NRXN3: variants seen among roughly 807,000 people sequenced by gnomAD.
The protein encoded by NRXN3 is neurexin III.
Under a neutral mutation model 137.6 loss-of-function variants are expected in NRXN3, and 32 were observed. That is an observed-to-expected ratio of 0.23 (90% CI 0.18 to 0.31). NRXN3 has a LOEUF of 0.31. NRXN3 is among the 10% of genes least tolerant of loss of function. The probability of loss-of-function intolerance (pLI) is 1.00; values close to 1 mark genes in which losing one functional copy is unlikely to be tolerated. For synonymous variants in NRXN3, 798 were observed against 784.5 expected (o/e 1.02, Z -0.29); for missense variants, 1,574 against 2,062.5 (o/e 0.76, Z 4.59).
intron 16 of NRXN3, among the ~76,000 whole-genome samples, chr14:79,623,203 G>A (rs186074950): frequency 1.1e-3 from 173 of 152,236 alleles, no homozygotes; most frequent in African/African-American, 3.9e-3. Flanking sequence ...CCATGCAAAT[G>A]CCTTTTACAG....
intron 16 of NRXN3, among the ~76,000 whole-genome samples, chr14:79,532,245 C>A (rs1490674797): frequency 2.6e-5 from 4 of 152,122 alleles, no homozygotes; most frequent in Non-Finnish European, 5.9e-5. Flanking sequence ...GTTACAGATA[C>A]TTATCTATGA....
chr14:78,613,787 G>A (rs953780382), intron 4 of NRXN3, among the ~76,000 whole-genome samples: 1 of 152,022 alleles, frequency 6.6e-6, no homozygotes, highest in Non-Finnish European at 1.5e-5. Context: ...AATCCTAACA[G>A]AACATACATA....
intron 2 of NRXN3, among the ~76,000 whole-genome samples, chr14:78,264,021 G>A (rs1293755673): frequency 6.6e-6 from 1 of 151,478 alleles, no homozygotes; most frequent in Non-Finnish European, 1.5e-5. Context: ...TTTCCTAATA[G>A]TTTCTCAGGA....
chr14:78,263,169 T>G (rs114320343), intron 2 of NRXN3, among the ~76,000 whole-genome samples: 5,224 of 152,266 alleles, frequency 0.034, 264 homozygotes, highest in African/African-American at 0.12. Flanking sequence ...TTCTTGGTAG[T>G]AGAGAAATAC....
intron 15 of NRXN3, among the ~76,000 whole-genome samples, chr14:79,041,788 T>A (rs1373115178): frequency 2.0e-5 from 3 of 152,180 alleles, no homozygotes; most frequent in Admixed American, 6.5e-5. Context: ...GGTGCTACCA[T>A]AAGTCATAAT....
At position 78,242,925 on chromosome 14, in the gene NRXN3, C is replaced by G. The variant is rs1215601431; in HGVS notation, c.-169C>G. 3 of 581,958 alleles carry G rather than the reference C, an allele frequency of 5.2e-6. No homozygotes were observed. The Admixed American group carries it at 9.7e-5, about 19-fold the overall frequency. The allele number at this position is 581,958 out of a possible 1,614,324, so 36.0% of individuals were successfully genotyped here. On this transcript the variant is annotated 5_prime_UTR_variant, in exon 2 of 21. Coordinates refer to ENST00000335750, the MANE Select transcript of NRXN3 (RefSeq NM_001330195.2). ...CCTCTGGGACTCTCTTGTACACTTT[C>G]CTCCATCTCCACTATCTCAGGATCT...
intron 16 of NRXN3, among the ~76,000 whole-genome samples, chr14:79,502,771 T>C (rs1458366435): frequency 2.6e-5 from 4 of 152,086 alleles, no homozygotes; most frequent in African/African-American, 9.7e-5. Context: ...ATGCTGGTTC[T>C]CAGACCTTTT....
intron 19 of NRXN3, among the ~76,000 whole-genome samples, chr14:79,764,158 TGGTG>T (rs199965871): frequency 3.0e-4 from 25 of 83,328 alleles, no homozygotes; most frequent in Middle Eastern, 0.01. Context: ...CTTTTTCTTT[TGGTG>T]GGTGGGGGGG....
intron 10 of NRXN3, among the ~76,000 whole-genome samples, chr14:78,923,172 G>T (rs1001330173): frequency 1.3e-5 from 2 of 152,168 alleles, no homozygotes; most frequent in Admixed American, 6.5e-5. Context: ...ACCTTCTCAT[G>T]GTTGAGCACA....
At chr14:79,344,175 G>T (rs1174904686) in intron 15 of NRXN3, among the ~76,000 whole-genome samples, 1 of 152,152 alleles carries the variant, frequency 6.6e-6, no homozygotes, top group African/African-American at 2.4e-5. Flanking sequence ...AAGCCCTGAA[G>T]TCAAAAGTTT....
chr14:78,769,279 C>T (rs868359185), intron 8 of NRXN3, among the ~76,000 whole-genome samples: 6 of 152,184 alleles, frequency 3.9e-5, no homozygotes, highest in Admixed American at 6.5e-5. Context: ...CACAGGCTGT[C>T]GCTGTATCCA....
chr14:78,372,369 T>A (rs1459967690), intron 4 of NRXN3, among the ~76,000 whole-genome samples: 1 of 151,976 alleles, frequency 6.6e-6, no homozygotes, highest in Non-Finnish European at 1.5e-5. Flanking sequence ...GATGGAGACT[T>A]GCTCTGTTGC....
At chr14:79,775,863 G>T (rs772899222) in intron 19 of NRXN3, among the ~76,000 whole-genome samples, 104 of 152,258 alleles carry the variant, frequency 6.8e-4, no homozygotes, top group Non-Finnish European at 6.8e-4. Flanking sequence ...TTGTTTCCAG[G>T]CTGTACTTGA....
intron 19 of NRXN3, among the ~76,000 whole-genome samples, chr14:79,699,810 G>C (rs1262708751): frequency 6.6e-6 from 1 of 151,922 alleles, no homozygotes; most frequent in Admixed American, 6.6e-5. Flanking sequence ...ACATCTACAT[G>C]CTTTTCCTTT....
At chr14:79,124,117 C>G (rs2055984122) in intron 15 of NRXN3, among the ~76,000 whole-genome samples, 1 of 152,116 alleles carries the variant, frequency 6.6e-6, no homozygotes, top group African/African-American at 2.4e-5. Context: ...TTCTGTGTTA[C>G]TTGAAACTAG....
chr14:79,076,402 C>G (rs926650664), intron 15 of NRXN3, among the ~76,000 whole-genome samples: 12 of 152,156 alleles, frequency 7.9e-5, no homozygotes, highest in African/African-American at 2.9e-4. Context: ...AAGGCTGCAA[C>G]CGAGGTGACA....
intron 15 of NRXN3, among the ~76,000 whole-genome samples, chr14:79,385,565 T>G (rs1166320892): frequency 6.6e-6 from 1 of 152,140 alleles, no homozygotes; most frequent in Non-Finnish European, 1.5e-5. Context: ...AATGTAATCC[T>G]CAGTGTTGGA....
At chr14:78,461,519 C>T in intron 4 of NRXN3, among the ~76,000 whole-genome samples, 1 of 152,118 alleles carries the variant, frequency 6.6e-6, no homozygotes, top group South Asian at 2.1e-4. Flanking sequence ...TGGATGTTCT[C>T]TCGGTTCTAA....
rs148549709 is a variant in NRXN3, at chr14:79,723,056, A to G, written c.4014+25119A>G. 8.5e-5 allele frequency among the ~76,000 whole-genome samples: 13 copies of G among 152,238 alleles called. No homozygotes were observed. In the East Asian group the frequency reaches 1.5e-3, roughly 18 times the overall value. On this transcript the variant is annotated intron_variant, in intron 19 of 20. Coordinates refer to ENST00000335750, the MANE Select transcript of NRXN3 (RefSeq NM_001330195.2). ...GATACTACCCACTCCATTCTATCAT[A>G]TTGGGAAAATAATGCAATCTCGAAG...
Sources: allele counts gnomAD v4.1 joint callset (sites outside exome capture counted in the v4.1 genomes callset), GRCh38; gene constraint gnomAD v4.1.1; transcripts MANE v1.5; gene names NCBI Gene and HGNC (gene_info 2026-07-23, HGNC 2026-07-21).